Variants in HRK observed in about 807,000 individuals in gnomAD.
HRK encodes harakiri, BCL2 interacting protein, also known as activator of apoptosis harakiri.
Under a neutral mutation model 5.9 loss-of-function variants are expected in HRK, and 6 were observed. The ratio of observed to expected loss-of-function variants is 1.02; its 90% CI spans 0.56 to 2.01. HRK has a LOEUF of 2.01. Among genes scored for constraint, HRK ranks in the 30% most tolerant of loss-of-function variants. The pLI is 0.00. For missense variants in HRK, 133 were observed against 128.3 expected, an observed-to-expected ratio of 1.04 and a Z score of -0.18; for synonymous variants, 85 against 65.1, an observed-to-expected ratio of 1.31 and a Z score of -1.47.
chr12:116,873,051 C>T lies in HRK; in HGVS notation c.*56+7925G>A, dbSNP rs542549375. On this transcript the variant is annotated intron_variant, in intron 1 of 1. Transcript: ENST00000257572. ...TTACATGGGAAAGGACTGCAATCTTCTGCTACTCAGACCTTCTGCTCAAAG... is the reference window on the plus strand; with the variant it reads ...TTACATGGGAAAGGACTGCAATCTTTTGCTACTCAGACCTTCTGCTCAAAG... Among the ~76,000 whole-genome samples the T allele has an allele frequency of 2.6e-5, 4 of 152,366 alleles. No individual in the cohort carries two copies. In the South Asian group the frequency reaches 6.2e-4, roughly 24 times the overall value.
At chr12:116,867,346 G>A (rs898715641) in intron 1 of HRK, among the ~76,000 whole-genome samples, 4 of 151,694 alleles carry the variant, frequency 2.6e-5, no homozygotes, top group Non-Finnish European at 4.4e-5. Flanking sequence ...GTTTCACTAT[G>A]TTGGCCAGGC....
chr12:116,856,867 A>G lies in HRK; in HGVS notation c.*4656T>C, dbSNP rs1878169803. On this transcript the variant is annotated 3_prime_UTR_variant, in exon 2 of 2. Transcript: ENST00000257572. The surrounding 1 kb of genome is among the most constrained non-coding windows in gnomAD (Gnocchi z 4.4). ...TCCTCCACTGTAAAATGGGAATGCT[A>G]ACAGTACTATCTGCTAAAGTGGGCA... The G allele has an allele frequency of 6.6e-6, 1 of 152,292 alleles. No homozygotes were observed. Among genetic ancestry groups the G allele is most frequent in the African/African-American group, 2.4e-5 (1 of 41,474 alleles). 9.4% of individuals were successfully genotyped at this position (152,292 alleles called of 1,614,324 possible). A position where few individuals can be genotyped will look rare whatever the true frequency, so the allele number is the denominator to read the frequency against.
At chr12:116,871,286 A>G (rs1878740131) in intron 1 of HRK, among the ~76,000 whole-genome samples, 2 of 150,482 alleles carry the variant, frequency 1.3e-5, no homozygotes, top group South Asian at 4.2e-4. Flanking sequence ...TTTGATATCA[A>G]AGTTACATTT....
In HRK at chr12:116,858,286, T is replaced by A. The variant is rs1416998557; in HGVS notation, c.*3237A>T. The A allele has an allele frequency of 5.9e-5, 9 of 151,292 alleles. No homozygotes were observed. The highest frequency in any genetic ancestry group is 1.9e-4 in the African/African-American group (8 of 41,184). The allele number at this position is 151,292 out of a possible 1,614,324, so 9.4% of individuals were successfully genotyped here. On this transcript the variant is annotated 3_prime_UTR_variant, in exon 2 of 2. Coordinates refer to ENST00000257572, the MANE Select transcript of HRK (RefSeq NM_003806.4). Reference sequence around the variant, plus strand: ...GGGCCAATGGGCTCCCCAGAGAAACTTCCTACTCAAGCTACACCAATAACA... The same window carrying A: ...GGGCCAATGGGCTCCCCAGAGAAACATCCTACTCAAGCTACACCAATAACA...
At chr12:116,872,818 G>A (rs1878802213) in intron 1 of HRK, among the ~76,000 whole-genome samples, 1 of 142,694 alleles carries the variant, frequency 7.0e-6, no homozygotes. Context: ...AACAGAGAGA[G>A]ACAGGAAGAA....
intron 1 of HRK, among the ~76,000 whole-genome samples, chr12:116,877,658 T>G (rs1432659765): frequency 6.6e-6 from 1 of 152,214 alleles, no homozygotes; most frequent in Admixed American, 6.5e-5. Flanking sequence ...GGCTCACATG[T>G]ATATCCACTG....
At chr12:116,870,131 A>G (rs1240667422) in intron 1 of HRK, among the ~76,000 whole-genome samples, 1 of 151,956 alleles carries the variant, frequency 6.6e-6, no homozygotes, top group Non-Finnish European at 1.5e-5. Context: ...TCTTGAATCC[A>G]TTCCAGTAAC....
chr12:116,876,013 C>G (rs1429504555), intron 1 of HRK, among the ~76,000 whole-genome samples: 3 of 152,198 alleles, frequency 2.0e-5, no homozygotes, highest in African/African-American at 7.2e-5. Context: ...AGCCCCCTCC[C>G]CACCTCTCGT....
At position 116,859,793 on chromosome 12, in the gene HRK, CA is replaced by C. The variant is rs1475537978; in HGVS notation, c.*1729del. 1 of 152,158 alleles carries C rather than the reference CA, an allele frequency of 6.6e-6. No individual in the cohort carries two copies. Among genetic ancestry groups the C allele is most frequent in the East Asian group, 1.9e-4 (1 of 5,194 alleles). 9.4% of individuals were successfully genotyped at this position (152,158 alleles called of 1,614,324 possible). A position where few individuals can be genotyped will look rare whatever the true frequency, so the allele number is the denominator to read the frequency against. On this transcript the variant is annotated 3_prime_UTR_variant, in exon 2 of 2. Transcript: ENST00000257572. The stretch of plus-strand genomic sequence containing the variant: ...GGAAGACAGAAAGAAATCCAGCTCC[CA>C]GCTTGCAGCAGCACTGAGAGGTTGT...
rs1055857806 is a variant in HRK at position 116,859,816 on chromosome 12, T to C, written c.*1707A>G. On this transcript the variant is annotated 3_prime_UTR_variant, in exon 2 of 2. Coordinates refer to ENST00000257572, the MANE Select transcript of HRK (RefSeq NM_003806.4). ...CCCAGCTTGCAGCAGCACTGAGAGG[T>C]TGTACATTCTAAAGGACCTGGTCAT... 13 of 152,024 alleles carry C rather than the reference T, an allele frequency of 8.6e-5. No homozygotes were observed. The highest frequency in any genetic ancestry group is 2.9e-4 in the African/African-American group (12 of 41,378). 9.4% of individuals were successfully genotyped at this position (152,024 alleles called of 1,614,324 possible).
chr12:116,865,203 T>C (rs1878497246), intron 1 of HRK, among the ~76,000 whole-genome samples: 1 of 152,082 alleles, frequency 6.6e-6, no homozygotes, highest in Admixed American at 6.6e-5. Flanking sequence ...CAGCAAAGAA[T>C]TAGGACTCTT....
Position 116,858,364 on chromosome 12 carries a change from G to A in HRK, c.*3159C>T, listed in dbSNP as rs545781692. 2.0e-5 allele frequency: 3 copies of A among 152,098 alleles called. No individual in the cohort carries two copies. The highest frequency in any genetic ancestry group is 3.9e-4 in the East Asian group (2 of 5,122). The allele number at this position is 152,098 out of a possible 1,614,324, so 9.4% of individuals were successfully genotyped here. A position where few individuals can be genotyped will look rare whatever the true frequency, so the allele number is the denominator to read the frequency against. On this transcript the variant is annotated 3_prime_UTR_variant, in exon 2 of 2. Transcript: ENST00000257572. ...TTGAAGAGATTGTATTTGTTTGTGGGAGATCAGGTGGGGGTGAGAAGCTTC... is the reference window on the plus strand; with the variant it reads ...TTGAAGAGATTGTATTTGTTTGTGGAAGATCAGGTGGGGGTGAGAAGCTTC...
At chr12:116,875,433 G>A (rs901606950) in intron 1 of HRK, among the ~76,000 whole-genome samples, 1 of 152,172 alleles carries the variant, frequency 6.6e-6, no homozygotes, top group African/African-American at 2.4e-5. Flanking sequence ...GGTCCTTCCT[G>A]TATCCACAGT....
chr12:116,868,309 C>T (rs1878621977), intron 1 of HRK, among the ~76,000 whole-genome samples: 1 of 152,058 alleles, frequency 6.6e-6, no homozygotes, highest in Non-Finnish European at 1.5e-5. Flanking sequence ...AAACAGAACT[C>T]AACTGCAAGC....
At chr12:116,874,258 T>C (rs946210480) in intron 1 of HRK, among the ~76,000 whole-genome samples, 8 of 152,226 alleles carry the variant, frequency 5.3e-5, no homozygotes, top group Admixed American at 5.2e-4. Context: ...CTTGTTTTTC[T>C]TTCCTGAAAC....
At position 116,881,122 on chromosome 12, in the gene HRK, G is replaced by GGGCGCCGGCGCCCTCCGGCTCCGCGCGC; in HGVS notation, c.158_185dup (p.Gly63ArgfsTer81). ...AAGGCCAGTAGGTGGGGAGCGCGCC[G>GGGCGCCGGCGCCCTCCGGCTCCGCGCGC]GGCGCCGGCGCCCTCCGGCTCCGCG... On this transcript the variant is annotated frameshift_variant, in exon 1 of 2. Coordinates refer to ENST00000257572, the MANE Select transcript of HRK (RefSeq NM_003806.4). LOFTEE classifies it high-confidence loss of function. 1 of 1,219,962 alleles carries GGGCGCCGGCGCCCTCCGGCTCCGCGCGC rather than the reference G, an allele frequency of 8.2e-7. No individual in the cohort carries two copies. The highest frequency in any genetic ancestry group is 1.0e-6 in the Non-Finnish European group (1 of 981,236). The allele number at this position is 1,219,962 out of a possible 1,614,324, so 75.6% of individuals were successfully genotyped here.
rs1214181500 is a variant in HRK, at chr12:116,881,342, C to T, written c.-35G>A. ...CCTCGCTCCCGCCCCGCGCTCGGGC[C>T]GCCCCTCGCCTCCTCTCCCTCCGGC... is the stretch of plus-strand genomic sequence containing the variant. On this transcript the variant is annotated 5_prime_UTR_variant, in exon 1 of 2. Transcript: ENST00000257572. 2.8e-6 allele frequency: 3 copies of T among 1,058,642 alleles called. No individual in the cohort carries two copies. Among genetic ancestry groups the T allele is most frequent in the East Asian group, 1.4e-4 (2 of 13,894 alleles). 65.6% of individuals were successfully genotyped at this position (1,058,642 alleles called of 1,614,324 possible).
rs547164716 is a variant in HRK, at chr12:116,874,619, T to A, written c.*56+6357A>T. The stretch of plus-strand genomic sequence containing the variant: ...AGGTGGAGTCTAATTCCGCCCCACC[T>A]TGAATCTGTATCAGCTTGTGACTTG... On this transcript the variant is annotated intron_variant, in intron 1 of 1. Transcript: ENST00000257572. Among the ~76,000 whole-genome samples the A allele has an allele frequency of 7.9e-5, 12 of 152,320 alleles. No homozygotes were observed. In the South Asian group the frequency reaches 2.3e-3, roughly 29 times the overall value.
At chr12:116,874,436 T>C (rs950539286) in intron 1 of HRK, among the ~76,000 whole-genome samples, 2 of 152,048 alleles carry the variant, frequency 1.3e-5, no homozygotes, top group African/African-American at 4.8e-5. Flanking sequence ...AGGTGAGGAG[T>C]CCCTGGGGCA....
Sources: allele counts gnomAD v4.1 joint callset (sites outside exome capture counted in the v4.1 genomes callset), GRCh38; gene constraint gnomAD v4.1.1; non-coding constraint Gnocchi (gnomAD v3.1); transcripts MANE v1.5; gene names NCBI Gene and HGNC (gene_info 2026-07-23, HGNC 2026-07-21).